Variants in DEUP1 observed in about 807,000 individuals in gnomAD.
DEUP1 encodes the protein deuterosome assembly protein 1, also known as coiled-coil domain containing 67.
DEUP1 carries 82 observed loss-of-function variants against 87.4 expected under a neutral mutation model. The observed-to-expected ratio is 0.94, with a 90% CI of 0.78 to 1.13. The LOEUF is 1.13. Ranked by LOEUF, DEUP1 falls within the 50% of genes most tolerant of loss-of-function variation. The pLI, the probability that DEUP1 is intolerant of heterozygous loss-of-function variation, is 0.00. For synonymous variants in DEUP1, 214 were observed against 222.7 expected (o/e 0.96, Z 0.35); for missense variants, 663 against 681.5 (o/e 0.97, Z 0.30).
intron 13 of DEUP1, among the ~76,000 whole-genome samples, chr11:93,432,946 C>T (rs1337939078): frequency 6.6e-6 from 1 of 152,052 alleles, no homozygotes; most frequent in Non-Finnish European, 1.5e-5. Context: ...TTCAGGGCTC[C>T]ATCTTTTAAC....
chr11:93,342,379 G>T (rs1944126067), intron 2 of DEUP1, among the ~76,000 whole-genome samples: 1 of 152,114 alleles, frequency 6.6e-6, no homozygotes. Flanking sequence ...CTCCTGGGAG[G>T]GTTAATTCTC....
intron 7 of DEUP1, 84 bp downstream of exon 7, chr11:93,371,364 G>A: frequency 7.4e-7 from 1 of 1,350,200 alleles, no homozygotes; most frequent in Non-Finnish European, 1.0e-6. Flanking sequence ...GATTAGAATG[G>A]TAGTTTTCTA....
intron 10 of DEUP1, 66 bp from the exon 11 acceptor site, chr11:93,396,173 A>C: frequency 9.8e-7 from 1 of 1,023,850 alleles, no homozygotes; most frequent in Non-Finnish European, 1.5e-6. Context: ...TCACAAGACA[A>C]AATTTTAATA....
At chr11:93,374,944 T>C (rs1417935099) in intron 7 of DEUP1, among the ~76,000 whole-genome samples, 2 of 152,118 alleles carry the variant, frequency 1.3e-5, no homozygotes, top group Admixed American at 6.5e-5. Flanking sequence ...GTGTCATCTG[T>C]GATTTTTTTC....
intron 3 of DEUP1, among the ~76,000 whole-genome samples, chr11:93,356,009 AC>A (rs1358014355): frequency 2.0e-5 from 3 of 152,168 alleles, no homozygotes; most frequent in Non-Finnish European, 1.5e-5. Context: ...TATACCTGGG[AC>A]ACCCACTTAA....
chr11:93,437,071 A>G (rs1948268435), intron 13 of DEUP1, among the ~76,000 whole-genome samples: 1 of 152,128 alleles, frequency 6.6e-6, no homozygotes, highest in African/African-American at 2.4e-5. Context: ...CCCAAGACAC[A>G]TCATGCAGCC....
chr11:93,399,291 C>G (rs1947042319), intron 11 of DEUP1, among the ~76,000 whole-genome samples: 1 of 151,538 alleles, frequency 6.6e-6, no homozygotes, highest in South Asian at 2.1e-4. Context: ...AAAATGGAAA[C>G]CAAATTTAAA....
intron 13 of DEUP1, among the ~76,000 whole-genome samples, chr11:93,418,270 G>A (rs1268563442): frequency 1.8e-4 from 27 of 151,818 alleles, no homozygotes; most frequent in African/African-American, 3.9e-4. Context: ...GAAAATTTTC[G>A]CAACCTACTC....
rs1251285040 is a variant in DEUP1 at position 93,394,662 on chromosome 11, C to T, written c.1239+6C>T. 3.1e-6 allele frequency: 5 copies of T among 1,601,262 alleles called. No homozygotes were observed. Among genetic ancestry groups the T allele is most frequent in the Non-Finnish European group, 4.3e-6 (5 of 1,172,256 alleles). On this transcript the variant is annotated splice_donor_region_variant and intron_variant, in intron 10 of 13. Coordinates refer to ENST00000298050, the MANE Select transcript of DEUP1 (RefSeq NM_181645.4). ...AAATGTTAGCAAAACAAAAGGTATG[C>T]AAGCAGGCAGAATAGCACTTGTCTA...
chr11:93,394,385 C>T (rs1316915361), intron 9 of DEUP1, 74 bp from the exon 10 acceptor site: 3 of 1,129,312 alleles, frequency 2.7e-6, no homozygotes, highest in Admixed American at 3.0e-5. Context: ...AAGGACTGAA[C>T]ATGGCCAGTA....
At chr11:93,357,265 A>G (rs1944944271) in intron 4 of DEUP1, 1 of 335,810 alleles carries the variant, frequency 3.0e-6, no homozygotes, top group Non-Finnish European at 5.3e-6. Context: ...GTAGTAGACA[A>G]ATGGCTTTCT....
intron 12 of DEUP1, among the ~76,000 whole-genome samples, chr11:93,412,926 A>G (rs12293357): frequency 0.035 from 5,385 of 152,194 alleles, 132 homozygotes; most frequent in African/African-American, 0.065. Flanking sequence ...AAAAAGATAC[A>G]TCTCAAGATA....
intron 13 of DEUP1, among the ~76,000 whole-genome samples, chr11:93,416,109 A>G (rs1947615820): frequency 6.6e-6 from 1 of 152,162 alleles, no homozygotes; most frequent in Non-Finnish European, 1.5e-5. Context: ...TATCTCAAGT[A>G]GCGTATAAGA....
At chr11:93,400,191 T>C (rs1479288310) in intron 11 of DEUP1, among the ~76,000 whole-genome samples, 1 of 152,194 alleles carries the variant, frequency 6.6e-6, no homozygotes, top group Non-Finnish European at 1.5e-5. Context: ...TGTAACAAAG[T>C]ACCAAAAGCT....
chr11:93,367,592 A>T (rs1002846734), intron 5 of DEUP1, among the ~76,000 whole-genome samples: 1 of 152,142 alleles, frequency 6.6e-6, no homozygotes, highest in Non-Finnish European at 1.5e-5. Context: ...TCCCTACTTT[A>T]TTATATATTC....
chr11:93,397,904 G>A lies in DEUP1; in HGVS notation c.1326+1579G>A, dbSNP rs111581864. The stretch of plus-strand genomic sequence containing the variant: ...TCCTAATTTCTTAGAAAAAATATAT[G>A]AGCATATAAGATATACATAATTTTT... On this transcript the variant is annotated intron_variant, in intron 11 of 13. Coordinates refer to ENST00000298050, the MANE Select transcript of DEUP1 (RefSeq NM_181645.4). Among the ~76,000 whole-genome samples the A allele has an allele frequency of 3.4e-3, 512 of 152,038 alleles. 1 individual carries two copies. The highest frequency in any genetic ancestry group is 0.012 in the African/African-American group (487 of 41,464).
chr11:93,370,239 A>G (rs149521405), intron 6 of DEUP1, 53 bp downstream of exon 6: 12,590 of 930,718 alleles, frequency 0.014, 122 homozygotes, highest in Middle Eastern at 0.031. Flanking sequence ...AAATATTGGT[A>G]TCTTTACCAT....
At chr11:93,386,164 C>T (rs1946541127) in intron 8 of DEUP1, among the ~76,000 whole-genome samples, 1 of 152,008 alleles carries the variant, frequency 6.6e-6, no homozygotes, top group Admixed American at 6.6e-5. Flanking sequence ...TTGCCTATAC[C>T]TGATGTCAAC....
At chr11:93,394,689 G>A (rs1198258402) in intron 10 of DEUP1, 33 bp downstream of exon 10, 12 of 1,500,142 alleles carry the variant, frequency 8.0e-6, no homozygotes, top group Non-Finnish European at 1.1e-5. Context: ...ACTTGTCTAG[G>A]GCACATTCTT....
Sources: allele counts gnomAD v4.1 joint callset (sites outside exome capture counted in the v4.1 genomes callset), GRCh38; gene constraint gnomAD v4.1.1; transcripts MANE v1.5; gene names NCBI Gene and HGNC (gene_info 2026-07-23, HGNC 2026-07-21).